Variants in RBFOX1 observed in about 807,000 individuals in gnomAD.
RBFOX1 encodes RNA binding protein fox-1 homolog 1.
RBFOX1 carries 8 observed loss-of-function variants against 57.7 expected under a neutral mutation model. The observed-to-expected ratio is 0.14, with a 90% CI of 0.08 to 0.25. The LOEUF (loss-of-function observed/expected upper bound fraction) is 0.25. Among genes scored for constraint, RBFOX1 ranks in the 10% least tolerant of loss-of-function variants. The pLI is 1.00. For synonymous variants in RBFOX1, 326 were observed against 222.4 expected, an observed-to-expected ratio of 1.47 and a Z score of -4.15; for missense variants, 611 against 548.5, an observed-to-expected ratio of 1.11 and a Z score of -1.14.
At chr16:7,152,073 T>C (rs959840710) in intron 4 of RBFOX1, among the ~76,000 whole-genome samples, 1 of 152,210 alleles carries the variant, frequency 6.6e-6, no homozygotes, top group African/African-American at 2.4e-5. Flanking sequence ...TGACAGTCCC[T>C]GTATTGAAGC....
intron 1 of RBFOX1, among the ~76,000 whole-genome samples, chr16:6,118,834 C>G (rs1422904982): frequency 6.6e-6 from 1 of 151,298 alleles, no homozygotes; most frequent in African/African-American, 2.4e-5. Flanking sequence ...TCCTCTTTCT[C>G]TCTTTCCCCA....
rs182913596 is a variant in RBFOX1 at position 6,247,776 on chromosome 16, G to T, written c.-126-69219G>T. Reference sequence around the variant, plus strand: ...AGGCAAGGCTGAATTACTCTACAGAGAGAGAGTGAGTGCGTGCGAGAGACA... The same window carrying T: ...AGGCAAGGCTGAATTACTCTACAGATAGAGAGTGAGTGCGTGCGAGAGACA... On this transcript the variant is annotated intron_variant, in intron 1 of 15. Transcript: ENST00000550418. Among the ~76,000 whole-genome samples, 184 of 152,320 alleles carry T rather than the reference G, an allele frequency of 1.2e-3. 2 individuals carry two copies. The highest frequency in any genetic ancestry group is 3.4e-3 in the Middle Eastern group (1 of 294).
intron 3 of RBFOX1, among the ~76,000 whole-genome samples, chr16:5,689,365 C>T (rs1010102136): frequency 6.6e-6 from 1 of 152,086 alleles, no homozygotes; most frequent in African/African-American, 2.4e-5. Flanking sequence ...TAGTACAGTG[C>T]CTGGGTTACA....
intron 4 of RBFOX1, among the ~76,000 whole-genome samples, chr16:7,401,607 G>T (rs943649229): frequency 7.9e-5 from 12 of 152,172 alleles, no homozygotes; most frequent in African/African-American, 2.9e-4. Context: ...TGTGATTCTG[G>T]CAATAGGTAA....
intron 2 of RBFOX1, among the ~76,000 whole-genome samples, chr16:5,514,574 C>T (rs78633410): frequency 1.3e-5 from 2 of 152,112 alleles, no homozygotes; most frequent in East Asian, 3.9e-4. Context: ...GAGTTGGGGC[C>T]ATTCACACTG....
Position 5,452,076 on chromosome 16 carries a change from A to G in RBFOX1, c.220-15140A>G, listed in dbSNP as rs188871377. On this transcript the variant is annotated intron_variant, in intron 1 of 2. Transcript: ENST00000585867. ...CCATCCCCATGGGCCCAAGCCCCCAAGTCTTAATTCCTGATTCTGATTTAT... is the reference window on the plus strand; with the variant it reads ...CCATCCCCATGGGCCCAAGCCCCCAGGTCTTAATTCCTGATTCTGATTTAT... 2.1e-3 allele frequency among the ~76,000 whole-genome samples: 311 copies of G among 150,414 alleles called. 8 individuals are homozygous for G. The East Asian group carries it at 0.041, about 20-fold the overall frequency.
intron 4 of RBFOX1, among the ~76,000 whole-genome samples, chr16:5,886,477 C>G (rs114824111): frequency 0.01 from 1,539 of 152,256 alleles, 25 homozygotes; most frequent in African/African-American, 0.034. Flanking sequence ...GACCATTTCT[C>G]CATGGATCAT....
chr16:7,179,825 C>G (rs952732249), intron 4 of RBFOX1, among the ~76,000 whole-genome samples: 2 of 151,990 alleles, frequency 1.3e-5, no homozygotes, highest in African/African-American at 4.8e-5. Flanking sequence ...ACCTACTCCT[C>G]CCAGGTTCAA....
rs561631185 is a variant in RBFOX1 at position 7,404,361 on chromosome 16, A to C, written c.28-113786A>C. On this transcript the variant is annotated intron_variant, in intron 4 of 15. Transcript: ENST00000550418. ...AGCCACCGTGCCCAGCCGACATAGG[A>C]ATTTATTTAGTGTCACCTTGTAGGT... Among the ~76,000 whole-genome samples the C allele has an allele frequency of 3.9e-5, 6 of 152,152 alleles. No individual in the cohort carries two copies. In the South Asian group the frequency reaches 1.2e-3, roughly 32 times the overall value.
chr16:7,323,846 G>C (rs1285572804), intron 4 of RBFOX1, among the ~76,000 whole-genome samples: 1 of 152,176 alleles, frequency 6.6e-6, no homozygotes. Context: ...CCTAGCACAG[G>C]TCTGATACAT....
chr16:7,067,014 T>A (rs1030307298), intron 4 of RBFOX1, among the ~76,000 whole-genome samples: 1 of 152,166 alleles, frequency 6.6e-6, no homozygotes, highest in Non-Finnish European at 1.5e-5. Context: ...CAGTAACAGA[T>A]TATGCACACA....
chr16:5,978,936 C>T (rs1312761823), intron 4 of RBFOX1, among the ~76,000 whole-genome samples: 1 of 152,184 alleles, frequency 6.6e-6, no homozygotes, highest in Non-Finnish European at 1.5e-5. Flanking sequence ...ATTGTGAAGT[C>T]ACTGTGTTTC....
chr16:5,913,036 A>G (rs971047377), intron 4 of RBFOX1, among the ~76,000 whole-genome samples: 1 of 152,188 alleles, frequency 6.6e-6, no homozygotes, highest in South Asian at 2.1e-4. Context: ...TTCAGACTCT[A>G]GCATTGCCAA....
At chr16:5,458,782 C>T (rs1452614286) in intron 1 of RBFOX1, among the ~76,000 whole-genome samples, 1 of 152,222 alleles carries the variant, frequency 6.6e-6, no homozygotes, top group East Asian at 1.9e-4. Context: ...ATGCATCCAT[C>T]CGTCCATCCA....
intron 13 of RBFOX1, among the ~76,000 whole-genome samples, chr16:7,665,571 C>T (rs897570703): frequency 6.6e-6 from 1 of 152,078 alleles, no homozygotes; most frequent in Non-Finnish European, 1.5e-5. Context: ...TAAATAGTAA[C>T]ACTTTAAGTT....
chr16:7,112,707 TC>T (rs2065065618), intron 4 of RBFOX1, among the ~76,000 whole-genome samples: 1 of 151,576 alleles, frequency 6.6e-6, no homozygotes, highest in Admixed American at 6.6e-5. Context: ...TGTCTGTCTG[TC>T]CGCAAATGGG....
At chr16:6,283,379 C>G (rs943293144) in intron 1 of RBFOX1, among the ~76,000 whole-genome samples, 3 of 152,278 alleles carry the variant, frequency 2.0e-5, no homozygotes, top group South Asian at 4.1e-4. Context: ...CCTAGCCATT[C>G]TTTCCTACTA....
intron 4 of RBFOX1, among the ~76,000 whole-genome samples, chr16:5,891,530 G>A (rs142203193): frequency 7.9e-5 from 12 of 152,288 alleles, no homozygotes; most frequent in African/African-American, 2.2e-4. Context: ...GAAACAGCCC[G>A]TTTTCCCTCA....
chr16:7,448,396 C>T (rs552681700), intron 4 of RBFOX1, among the ~76,000 whole-genome samples: 2 of 152,136 alleles, frequency 1.3e-5, no homozygotes, highest in Non-Finnish European at 2.9e-5. Flanking sequence ...GGAGACCTCA[C>T]AATCATGGTG....
Sources: gnomAD v4.1 joint callset for allele counts (sites outside exome capture counted in the v4.1 genomes callset) on GRCh38, gnomAD v4.1.1 for gene constraint, MANE v1.5 for transcripts, NCBI Gene and HGNC (gene_info 2026-07-23, HGNC 2026-07-21) for gene names.